The following KLHL13 variants were observed in gnomAD, a reference collection of about 807,000 sequenced individuals.
KLHL13 encodes the protein kelch like family member 13, also known as kelch-like protein 13.
A neutral mutation model predicts 37.1 loss-of-function variants in KLHL13; 10 were observed. The observed-to-expected ratio is 0.27, with a 90% CI of 0.17 to 0.46. The LOEUF (loss-of-function observed/expected upper bound fraction) is 0.46. Among genes scored for constraint, KLHL13 ranks in the 20% least tolerant of loss-of-function variants. The probability of loss-of-function intolerance (pLI) is 1.00; values close to 1 mark genes in which losing one functional copy is unlikely to be tolerated. For missense variants in KLHL13, 360 were observed against 509.3 expected, an observed-to-expected ratio of 0.71 and a Z score of 2.82; for synonymous variants, 163 against 181.2, an observed-to-expected ratio of 0.90 and a Z score of 0.81.
intron 1 of KLHL13, among the ~76,000 whole-genome samples, chrX:117,980,955 G>T (rs2053653840): frequency 9.0e-6 from 1 of 111,575 alleles, no homozygotes; most frequent in Non-Finnish European, 1.9e-5. Context: ...AAGAGACTTA[G>T]CAACCTGGTC....
chrX:117,908,869 T>A (rs10465415), intron 5 of KLHL13, among the ~76,000 whole-genome samples: 11,655 of 112,041 alleles, frequency 0.1, 615 homozygotes, highest in African/African-American at 0.2. Flanking sequence ...ATAGGTAACA[T>A]ATTTTGTAAA....
chrX:117,918,006 G>A (rs2147683265), intron 4 of KLHL13, among the ~76,000 whole-genome samples: 1 of 111,763 alleles, frequency 8.9e-6, no homozygotes, highest in African/African-American at 3.2e-5. Flanking sequence ...ACAACCAGAG[G>A]TGAGATCCTA....
At chrX:117,905,089 G>A (rs1435567869) in intron 5 of KLHL13, among the ~76,000 whole-genome samples, 6 of 111,056 alleles carry the variant, frequency 5.4e-5, no homozygotes, top group Non-Finnish European at 1.1e-4. Context: ...CAGGGGAGAT[G>A]GACTCTAGAA....
At chrX:118,039,948 G>T (rs1195171809) in intron 1 of KLHL13, among the ~76,000 whole-genome samples, 1 of 111,393 alleles carries the variant, frequency 9.0e-6, no homozygotes, top group Non-Finnish European at 1.9e-5. Context: ...AAGGGTCTCT[G>T]CCTGGTAATC....
At chrX:118,087,056 T>C (rs759416968) in intron 1 of KLHL13, among the ~76,000 whole-genome samples, 1 of 111,775 alleles carries the variant, frequency 8.9e-6, no homozygotes, top group Non-Finnish European at 1.9e-5. Flanking sequence ...ATTTCTCTTA[T>C]TGAAAATGAG....
chrX:118,027,894 G>C (rs186156661), intron 1 of KLHL13, among the ~76,000 whole-genome samples: 1 of 111,454 alleles, frequency 9.0e-6, no homozygotes, highest in Admixed American at 9.6e-5. Context: ...AAGCTACTGG[G>C]AATAAGACAG....
chrX:118,021,220 G>T (rs888501401), intron 1 of KLHL13, among the ~76,000 whole-genome samples: 5 of 107,546 alleles, frequency 4.6e-5, no homozygotes, highest in Non-Finnish European at 9.6e-5. Flanking sequence ...CATCCATGTT[G>T]TTGTAAATGG....
At chrX:118,036,587 T>G (rs1375062284) in intron 1 of KLHL13, among the ~76,000 whole-genome samples, 2 of 111,557 alleles carry the variant, frequency 1.8e-5, no homozygotes, top group African/African-American at 6.5e-5. Flanking sequence ...TATACAAAAA[T>G]CAATTCAAAA....
intron 1 of KLHL13, among the ~76,000 whole-genome samples, chrX:118,080,322 C>A (rs2054976657): frequency 9.0e-6 from 1 of 110,971 alleles, no homozygotes; most frequent in South Asian, 3.7e-4. Context: ...AAACTGTCAA[C>A]AAACAGACAA....
At chrX:118,060,816 A>G (rs1178964367) in intron 1 of KLHL13, among the ~76,000 whole-genome samples, 1 of 111,499 alleles carries the variant, frequency 9.0e-6, no homozygotes, top group African/African-American at 3.3e-5. Flanking sequence ...TTGCCATAAT[A>G]AAGTACCACA....
At chrX:118,097,976 C>T (rs2055233159) in intron 1 of KLHL13, among the ~76,000 whole-genome samples, 1 of 111,680 alleles carries the variant, frequency 9.0e-6, no homozygotes, top group African/African-American at 3.3e-5. Flanking sequence ...CATAAAAACC[C>T]TAGAAGGAAA....
intron 1 of KLHL13, among the ~76,000 whole-genome samples, chrX:118,101,642 T>C (rs1341290436): frequency 9.0e-6 from 1 of 111,417 alleles, no homozygotes; most frequent in African/African-American, 3.3e-5. Context: ...TTTGGCTCTG[T>C]GTCCCCACCC....
chrX:118,106,161 T>C (rs974322010), intron 1 of KLHL13, among the ~76,000 whole-genome samples: 21 of 107,314 alleles, frequency 2.0e-4, no homozygotes, highest in Non-Finnish European at 4.0e-4. Context: ...CCTCCCAAAG[T>C]GCTGGGATTA....
chrX:117,898,903 T>C, exon 7 of KLHL13: 1 of 1,192,647 alleles, frequency 8.4e-7, no homozygotes, highest in Non-Finnish European at 1.1e-6. Context: ...GTTGTAGAGA[T>C]GATCTTAAGG....
chrX:118,076,266 C>A (rs1313130492), intron 1 of KLHL13, among the ~76,000 whole-genome samples: 1 of 111,356 alleles, frequency 9.0e-6, no homozygotes, highest in Non-Finnish European at 1.9e-5. Context: ...GAAATTAATT[C>A]TTCTGAGAGA....
intron 1 of KLHL13, among the ~76,000 whole-genome samples, chrX:118,075,865 T>G (rs1298074476): frequency 1.8e-5 from 2 of 112,118 alleles, no homozygotes; most frequent in African/African-American, 6.5e-5. Context: ...GTTCATTATT[T>G]GCTCACTAGT....
chrX:118,110,329 T>A (rs1273705603), intron 1 of KLHL13, among the ~76,000 whole-genome samples: 1 of 109,610 alleles, frequency 9.1e-6, no homozygotes, highest in African/African-American at 3.3e-5. Flanking sequence ...AGGAATCATG[T>A]CTCATTTGTT....
chrX:118,097,500 C>T (rs1463259093), intron 1 of KLHL13, among the ~76,000 whole-genome samples: 4 of 111,740 alleles, frequency 3.6e-5, no homozygotes, highest in African/African-American at 9.8e-5. Flanking sequence ...AATGGCCATA[C>T]TGCCCAAGGT....
At chrX:118,094,008 C>T (rs2055170332) in intron 1 of KLHL13, among the ~76,000 whole-genome samples, 1 of 109,078 alleles carries the variant, frequency 9.2e-6, no homozygotes, top group African/African-American at 3.4e-5. Context: ...TCACCAGCAA[C>T]GGAACAAAGC....
Sources: gnomAD v4.1 joint callset for allele counts (sites outside exome capture counted in the v4.1 genomes callset) on GRCh38, gnomAD v4.1.1 for gene constraint, MANE v1.5 for transcripts, NCBI Gene and HGNC (gene_info 2026-07-23, HGNC 2026-07-21) for gene names.